The following RBFOX1 variants were observed in gnomAD, a reference collection of about 807,000 sequenced individuals.
RBFOX1 encodes the protein RNA binding protein fox-1 homolog 1.
RBFOX1 carries 8 observed loss-of-function variants against 57.7 expected under a neutral mutation model. The ratio of observed to expected loss-of-function variants is 0.14; its 90% CI spans 0.08 to 0.25. The LOEUF (loss-of-function observed/expected upper bound fraction) is 0.25, where lower values mean the gene tolerates loss of function less well. RBFOX1 is among the 10% of genes least tolerant of loss of function. The pLI, the probability that RBFOX1 is intolerant of heterozygous loss-of-function variation, is 1.00. For missense variants in RBFOX1, 611 were observed against 548.5 expected (o/e 1.11, Z -1.14); for synonymous variants, 326 against 222.4 (o/e 1.47, Z -4.15).
At chr16:7,418,145 G>A (rs937971070) in intron 4 of RBFOX1, among the ~76,000 whole-genome samples, 1 of 152,162 alleles carries the variant, frequency 6.6e-6, no homozygotes, top group East Asian at 1.9e-4. Flanking sequence ...CATTAGCCAT[G>A]CTGAGCTTGA....
At chr16:5,634,495 G>A (rs1002552629) in intron 3 of RBFOX1, among the ~76,000 whole-genome samples, 1 of 152,106 alleles carries the variant, frequency 6.6e-6, no homozygotes, top group African/African-American at 2.4e-5. Context: ...TGTACAAAAT[G>A]CTAAACATAT....
At chr16:7,379,804 G>GCCTGCCTC (rs1392537098) in intron 4 of RBFOX1, among the ~76,000 whole-genome samples, 10 of 150,986 alleles carry the variant, frequency 6.6e-5, no homozygotes, top group African/African-American at 2.4e-4. Context: ...CTCCCTGCCT[G>GCCTGCCTC]CCTGCCTCCC....
chr16:5,879,796 G>C (rs941405515), intron 4 of RBFOX1, among the ~76,000 whole-genome samples: 1 of 152,190 alleles, frequency 6.6e-6, no homozygotes, highest in Non-Finnish European at 1.5e-5. Flanking sequence ...CGCAGTACAG[G>C]ATGCTTCTCT....
chr16:6,762,967 G>C (rs563064616), intron 3 of RBFOX1, among the ~76,000 whole-genome samples: 1 of 152,300 alleles, frequency 6.6e-6, no homozygotes, highest in Non-Finnish European at 1.5e-5. Context: ...AATGAAGATA[G>C]AGGAATACAG....
chr16:6,742,960 C>T (rs1296475605), intron 3 of RBFOX1, among the ~76,000 whole-genome samples: 2 of 152,082 alleles, frequency 1.3e-5, no homozygotes, highest in Non-Finnish European at 1.5e-5. Context: ...TATACAAACA[C>T]ACTTTATCAA....
At chr16:5,977,709 G>T (rs1461415025) in intron 4 of RBFOX1, among the ~76,000 whole-genome samples, 1 of 152,078 alleles carries the variant, frequency 6.6e-6, no homozygotes, top group African/African-American at 2.4e-5. Flanking sequence ...TGCAAGAAAA[G>T]TTAGAAGAGT....
intron 3 of RBFOX1, among the ~76,000 whole-genome samples, chr16:6,990,656 C>T (rs1018599142): frequency 6.6e-6 from 1 of 152,096 alleles, no homozygotes; most frequent in Non-Finnish European, 1.5e-5. Flanking sequence ...TTTGTCATTA[C>T]TTTCAAAGGC....
chr16:7,418,774 G>GTCTTTATCCCTA (rs1555883834), intron 4 of RBFOX1, among the ~76,000 whole-genome samples: 30 of 151,544 alleles, frequency 2.0e-4, no homozygotes, highest in Admixed American at 2.0e-3. Context: ...CTGTGTCTGT[G>GTCTTTATCCCTA]TCTCTATCTC....
Position 6,684,443 on chromosome 16 carries a change from C to G in RBFOX1, c.-16+29793C>G, listed in dbSNP as rs76792707. 8.5e-5 allele frequency among the ~76,000 whole-genome samples: 13 copies of G among 152,352 alleles called. No homozygotes were observed. The East Asian group carries it at 2.1e-3, about 25-fold the overall frequency. Reference sequence around the variant, plus strand: ...TCATAGGAGAGGGAATATCAAGATGCAATCAATTGCTGGCCACGGCAAACC... The same window carrying G: ...TCATAGGAGAGGGAATATCAAGATGGAATCAATTGCTGGCCACGGCAAACC... On this transcript the variant is annotated intron_variant, in intron 3 of 15. Transcript: ENST00000550418.
At chr16:5,927,720 G>A (rs990844040) in intron 4 of RBFOX1, among the ~76,000 whole-genome samples, 2 of 152,170 alleles carry the variant, frequency 1.3e-5, no homozygotes, top group Non-Finnish European at 2.9e-5. Flanking sequence ...CGGATGAATG[G>A]GTAAAAATAA....
chr16:5,518,343 T>C (rs1170877780), intron 2 of RBFOX1, among the ~76,000 whole-genome samples: 1 of 136,618 alleles, frequency 7.3e-6, no homozygotes, highest in Non-Finnish European at 1.6e-5. Context: ...ATTTTCAATC[T>C]CCAAAGTGAC....
chr16:7,303,446 G>T (rs2096080821), intron 4 of RBFOX1, among the ~76,000 whole-genome samples: 1 of 152,246 alleles, frequency 6.6e-6, no homozygotes, highest in Non-Finnish European at 1.5e-5. Flanking sequence ...GGTCCCAGCT[G>T]GGCCATCGCG....
intron 3 of RBFOX1, among the ~76,000 whole-genome samples, chr16:6,711,028 A>G (rs2063622036): frequency 6.6e-6 from 1 of 152,168 alleles, no homozygotes; most frequent in Admixed American, 6.5e-5. Context: ...GAAATGATAC[A>G]ATCTGCCTTA....
intron 12 of RBFOX1, among the ~76,000 whole-genome samples, chr16:7,657,858 A>G (rs1272165379): frequency 1.3e-5 from 2 of 152,196 alleles, no homozygotes; most frequent in Non-Finnish European, 2.9e-5. Flanking sequence ...GATTGCCAAC[A>G]TCAATTGAAT....
At chr16:5,429,050 T>C (rs1161240183) in intron 1 of RBFOX1, among the ~76,000 whole-genome samples, 1 of 152,094 alleles carries the variant, frequency 6.6e-6, no homozygotes, top group Non-Finnish European at 1.5e-5. Context: ...GTTGCTAGGC[T>C]CTCCTGGCCC....
intron 2 of RBFOX1, among the ~76,000 whole-genome samples, chr16:6,469,884 C>A (rs1456317108): frequency 6.6e-6 from 1 of 152,184 alleles, no homozygotes; most frequent in African/African-American, 2.4e-5. Context: ...TTGAACCTTA[C>A]AATCCTATAT....
At chr16:6,483,181 T>G in intron 2 of RBFOX1, 2 of 1,136,942 alleles carry the variant, frequency 1.8e-6, no homozygotes, top group East Asian at 5.4e-5. Flanking sequence ...TGGCGAGCGT[T>G]TTGGCGCGGA....
rs2095536175 is a variant in RBFOX1, at chr16:6,487,739, ATATATATATATATAT to A, written c.-63-166863_-63-166849del. Among the ~76,000 whole-genome samples, 4 of 74,946 alleles carry A rather than the reference ATATATATATATATAT, an allele frequency of 5.3e-5. 1 individual carries two copies. The highest frequency in any genetic ancestry group is 1.5e-4 in the African/African-American group (3 of 19,382). The allele number at this position is 74,946 out of a possible 152,430, so 49.2% of individuals were successfully genotyped here. On this transcript the variant is annotated intron_variant, in intron 2 of 15. Transcript: ENST00000550418. ...TATATATATATATATATATATATAT[ATATATATATATATAT>A]AAAATATTATGCAGTGATGGGCATG...
At chr16:5,781,217 C>G (rs551330514) in intron 3 of RBFOX1, among the ~76,000 whole-genome samples, 1 of 152,232 alleles carries the variant, frequency 6.6e-6, no homozygotes, top group South Asian at 2.1e-4. Flanking sequence ...ATGGAGAAAA[C>G]TGGGGCAGGG....
Sources: gnomAD v4.1 joint callset for allele counts (sites outside exome capture counted in the v4.1 genomes callset) on GRCh38, gnomAD v4.1.1 for gene constraint, MANE v1.5 for transcripts, NCBI Gene and HGNC (gene_info 2026-07-23, HGNC 2026-07-21) for gene names.